Variants in CNBP observed in about 807,000 individuals in gnomAD.
CNBP encodes CCHC-type zinc finger nucleic acid binding protein, also known as cellular nucleic acid-binding protein.
In CNBP, 6 loss-of-function variants were observed where a neutral mutation model predicts 21.2. The observed-to-expected ratio is 0.28, with a 90% CI of 0.16 to 0.56. The LOEUF (loss-of-function observed/expected upper bound fraction) is 0.56, where lower values mean the gene tolerates loss of function less well. Ranked by LOEUF, CNBP falls within the 20% of genes least tolerant of loss-of-function variation. The pLI, the probability that CNBP is intolerant of heterozygous loss-of-function variation, is 0.93. For synonymous variants in CNBP, 61 were observed against 74.9 expected (o/e 0.81, Z 0.96); for missense variants, 112 against 233.1 (o/e 0.48, Z 3.38).
intron 3 of CNBP, 33 bp downstream of exon 3, chr3:129,171,413 G>C (rs761183015): frequency 6.2e-7 from 1 of 1,602,092 alleles, no homozygotes; most frequent in South Asian, 1.1e-5. Flanking sequence ...CCAAGCTCTA[G>C]AGGGGTATGA....
intron 1 of CNBP, among the ~76,000 whole-genome samples, chr3:129,179,245 C>G (rs1004149124): frequency 2.0e-5 from 3 of 151,500 alleles, no homozygotes; most frequent in African/African-American, 7.3e-5. Context: ...CCATCGCACT[C>G]CAGCCTGGGC....
In CNBP at chr3:129,172,576, ACAGGCAGG is replaced by A. The variant is rs553299762; in HGVS notation, c.-14-813_-14-806del. Among the ~76,000 whole-genome samples, 3 of 116,256 alleles carry A rather than the reference ACAGGCAGG, an allele frequency of 2.6e-5. 1 individual carries two copies. Among genetic ancestry groups the A allele is most frequent in the Admixed American group, 1.9e-4 (2 of 10,644 alleles). 76.3% of individuals were successfully genotyped at this position (116,256 alleles called of 152,430 possible). A position where few individuals can be genotyped will look rare whatever the true frequency, so the allele number is the denominator to read the frequency against. ...CAGCCTAGGGGACAAAGTGAGACAG[ACAGGCAGG>A]CAGGCAGGCAGGCAGGCAGGCAGAC... On this transcript the variant is annotated intron_variant, in intron 1 of 4. Transcript: ENST00000422453.
In CNBP at chr3:129,171,615, T is replaced by C. The variant is rs748823059; in HGVS notation, c.124+19A>G. ...AACAAATACTGAAGTACTTCAAATT[T>C]TTCTATTCGACAAAATACCTCTATC... On this transcript the variant is annotated intron_variant, in intron 2 of 4. Transcript: ENST00000422453. 4.3e-6 allele frequency: 7 copies of C among 1,614,162 alleles called. No homozygotes were observed. Among genetic ancestry groups the C allele is most frequent in the Non-Finnish European group, 5.1e-6 (6 of 1,180,022 alleles).
At chr3:129,181,655 A>AAAAAAAAAAAAAAAAAAG (rs1264573788) in intron 1 of CNBP, among the ~76,000 whole-genome samples, 1 of 141,740 alleles carries the variant, frequency 7.1e-6, no homozygotes, top group African/African-American at 2.9e-5. Context: ...GTCTCAGAAA[A>AAAAAAAAAAAAAAAAAAG]AAAAAAAGAA....
intron 1 of CNBP, among the ~76,000 whole-genome samples, chr3:129,174,639 A>C (rs1270524518): frequency 1.4e-5 from 2 of 140,372 alleles, no homozygotes; most frequent in Non-Finnish European, 3.0e-5. Flanking sequence ...AACGTGGGTT[A>C]CAAGAGTGAA....
At chr3:129,174,083 A>C (rs1937718626) in intron 1 of CNBP, among the ~76,000 whole-genome samples, 1 of 152,188 alleles carries the variant, frequency 6.6e-6, no homozygotes, top group Non-Finnish European at 1.5e-5. Context: ...GATTTAGGAT[A>C]AATTCTTAGA....
intron 1 of CNBP, among the ~76,000 whole-genome samples, chr3:129,173,133 T>C (rs187038285): frequency 2.0e-5 from 3 of 152,234 alleles, no homozygotes; most frequent in South Asian, 2.1e-4. Flanking sequence ...AGTGGAAAAG[T>C]TGCATCTGTA....
At position 129,170,433 on chromosome 3, in the gene CNBP, G is replaced by A. The variant is rs374265085; in HGVS notation, c.*20C>T. The A allele has an allele frequency of 2.5e-6, 4 of 1,584,226 alleles. No homozygotes were observed. Among genetic ancestry groups the A allele is most frequent in the Non-Finnish European group, 3.5e-6 (4 of 1,152,844 alleles). On this transcript the variant is annotated 3_prime_UTR_variant, in exon 5 of 5. Transcript: ENST00000422453. ...ATACAACCATCAATCAGAAAAAGGA[G>A]GGGCGACAAAGGAAAATAATTAGGC...
rs1477345114 is a variant in CNBP at position 129,167,857 on chromosome 3, ATG to A, written c.*2594_*2595del. On this transcript the variant is annotated 3_prime_UTR_variant, in exon 5 of 5. Transcript: ENST00000422453. ...TTGTCAAGATATTTATTGTGTTAAC[ATG>A]TGAGACATACAATTTGCTCAGTAAA... 3.9e-5 allele frequency among the ~76,000 whole-genome samples: 6 copies of A among 152,270 alleles called. No homozygotes were observed. Among genetic ancestry groups the A allele is most frequent in the Admixed American group, 2.0e-4 (3 of 15,284 alleles).
intron 1 of CNBP, among the ~76,000 whole-genome samples, chr3:129,183,385 A>G (rs1289195178): frequency 6.6e-6 from 1 of 151,124 alleles, no homozygotes; most frequent in Non-Finnish European, 1.5e-5. Flanking sequence ...CACCACACGG[A>G]CTCCTTCCAG....
intron 1 of CNBP, among the ~76,000 whole-genome samples, chr3:129,182,331 CCTT>C (rs1938355071): frequency 1.3e-5 from 2 of 152,092 alleles, no homozygotes; most frequent in Non-Finnish European, 1.5e-5. Context: ...TCACCTGAGT[CCTT>C]CTGAATAATG....
At chr3:129,175,539 C>T (rs144278705) in intron 1 of CNBP, among the ~76,000 whole-genome samples, 75 of 151,424 alleles carry the variant, frequency 5.0e-4, no homozygotes, top group African/African-American at 1.8e-3. Context: ...AAGCGATTCC[C>T]CTGCCTCAGC....
In CNBP at chr3:129,171,624, G is replaced by A. The variant is rs1351683929; in HGVS notation, c.124+10C>T. On this transcript the variant is annotated intron_variant, in intron 2 of 4. Transcript: ENST00000422453. Reference sequence around the variant, plus strand: ...TGAAGTACTTCAAATTTTTCTATTCGACAAAATACCTCTATCCGAGGTAAA... The same window carrying A: ...TGAAGTACTTCAAATTTTTCTATTCAACAAAATACCTCTATCCGAGGTAAA... The A allele has an allele frequency of 4.3e-6, 7 of 1,614,060 alleles. No homozygotes were observed. Among genetic ancestry groups the A allele is most frequent in the East Asian group, 2.2e-5 (1 of 44,880 alleles).
At chr3:129,172,707 C>G (rs1450840144) in intron 1 of CNBP, among the ~76,000 whole-genome samples, 10 of 150,684 alleles carry the variant, frequency 6.6e-5, no homozygotes, top group African/African-American at 2.5e-4. Flanking sequence ...CACACACACA[C>G]ACACACACAC....
At position 129,169,350 on chromosome 3, in the gene CNBP, A is replaced by G. The variant is rs1407014890; in HGVS notation, c.*1103T>C. 6 of 191,698 alleles carry G rather than the reference A, an allele frequency of 3.1e-5. No homozygotes were observed. The highest frequency in any genetic ancestry group is 4.7e-5 in the African/African-American group (2 of 42,956). 11.9% of individuals were successfully genotyped at this position (191,698 alleles called of 1,614,324 possible). A position where few individuals can be genotyped will look rare whatever the true frequency, so the allele number is the denominator to read the frequency against. On this transcript the variant is annotated 3_prime_UTR_variant, in exon 5 of 5. Transcript: ENST00000422453. ...CAGACTGAACACAGAACTCAAGGGC[A>G]TTATTATAACAGATTACAAAGTGAA...
rs1937545065 is a variant in CNBP at position 129,170,333 on chromosome 3, C to G, written c.*120G>C. On this transcript the variant is annotated 3_prime_UTR_variant, in exon 5 of 5. Coordinates refer to ENST00000422453, the MANE Select transcript of CNBP (RefSeq NM_003418.5). ...CCACCCCTTTCCTCCTTTTACACGG[C>G]AAGTAAAGCTCACTGGCCTGGGAGT... is the stretch of plus-strand genomic sequence containing the variant. The G allele has an allele frequency of 1.3e-6, 1 of 798,800 alleles. No homozygotes were observed. The highest frequency in any genetic ancestry group is 1.6e-5 in the South Asian group (1 of 63,542). 49.5% of individuals were successfully genotyped at this position (798,800 alleles called of 1,614,324 possible). A position where few individuals can be genotyped will look rare whatever the true frequency, so the allele number is the denominator to read the frequency against.
At chr3:129,181,498 A>C (rs942612356) in intron 1 of CNBP, among the ~76,000 whole-genome samples, 1 of 151,114 alleles carries the variant, frequency 6.6e-6, no homozygotes, top group East Asian at 2.0e-4. Flanking sequence ...CTAAAATACA[A>C]AAACTAGCTG....
At chr3:129,172,233 T>G (rs963338161) in intron 1 of CNBP, among the ~76,000 whole-genome samples, 1 of 151,916 alleles carries the variant, frequency 6.6e-6, no homozygotes, top group Admixed American at 6.6e-5. Context: ...ATATACACCT[T>G]GATAAAAGTG....
rs1429407085 is a variant in CNBP at position 129,168,484 on chromosome 3, C to A, written c.*1969G>T. On this transcript the variant is annotated 3_prime_UTR_variant, in exon 5 of 5. Coordinates refer to ENST00000422453, the MANE Select transcript of CNBP (RefSeq NM_003418.5). ...TGGTGGCGGACACCTGTAATCCCAG[C>A]TATTTGGGAGGCTGAGGCAGGAGAA... 8.7e-6 allele frequency among the ~76,000 whole-genome samples: 1 copy of A among 114,490 alleles called. No homozygotes were observed. Among genetic ancestry groups the A allele is most frequent in the Non-Finnish European group, 1.7e-5 (1 of 60,522 alleles). The allele number at this position is 114,490 out of a possible 152,430, so 75.1% of individuals were successfully genotyped here. A position where few individuals can be genotyped will look rare whatever the true frequency, so the allele number is the denominator to read the frequency against.
Sources: allele counts gnomAD v4.1 joint callset (sites outside exome capture counted in the v4.1 genomes callset), GRCh38; gene constraint gnomAD v4.1.1; transcripts MANE v1.5; gene names NCBI Gene and HGNC (gene_info 2026-07-23, HGNC 2026-07-21).